NTRK1: variants seen among roughly 807,000 people sequenced by gnomAD.
NTRK1 encodes neurotrophic receptor tyrosine kinase 1.
NTRK1 carries 62 observed loss-of-function variants against 86.8 expected under a neutral mutation model. The observed-to-expected ratio is 0.71, with a 90% CI of 0.58 to 0.88. The LOEUF is 0.88. NTRK1 is among the 40% of genes least tolerant of loss of function. NTRK1 has a pLI of 0.00. For missense variants in NTRK1, 967 were observed against 1,078.4 expected, an observed-to-expected ratio of 0.90 and a Z score of 1.45; for synonymous variants, 469 against 456.6, an observed-to-expected ratio of 1.03 and a Z score of -0.35.
intron 1 of NTRK1, among the ~76,000 whole-genome samples, chr1:156,836,402 C>T (rs1023088200): frequency 1.3e-5 from 2 of 152,210 alleles, no homozygotes; most frequent in African/African-American, 4.8e-5. Context: ...TTCTTTCTCT[C>T]CTCATGACCT....
rs1185123581 is a variant in NTRK1, at chr1:156,879,328, T to C, written c.2012T>C (p.Met671Thr). 1 of 1,610,866 alleles carries C rather than the reference T, an allele frequency of 6.2e-7. No individual in the cohort carries two copies. Among genetic ancestry groups the C allele is most frequent in the Non-Finnish European group, 8.5e-7 (1 of 1,180,016 alleles). ...GTGGTCAAGATTGGTGATTTTGGCA[T>C]GAGCAGGGATATCTACAGCACCGAC... The part of the protein sequence containing the change: ...GLVVKIGDFG[M>T]SRDIYSTDYY... The change falls in exon 15 of 17, where the codon ATG becomes ACG. Residue 671 changes from methionine (M) to threonine (T), a missense_variant. Physicochemically the swap from Met to Thr is moderately conservative, Grantham distance 81 (BLOSUM62 -1). Around this residue, in one of 2 missense-constraint regions of NTRK1, gnomAD observed 637 missense variants for 776.5 expected, o/e 0.82. Coordinates refer to ENST00000524377, the MANE Select transcript of NTRK1 (RefSeq NM_002529.4).
At chr1:156,880,191 C>T in intron 16 of NTRK1, 34 bp downstream of exon 16, 3 of 1,609,726 alleles carry the variant, frequency 1.9e-6, no homozygotes, top group Non-Finnish European at 2.5e-6. Flanking sequence ...CCTTGCTGGC[C>T]TCCCCGTCCC....
intron 1 of NTRK1, chr1:156,816,077 T>C (rs1653895014): frequency 1.2e-6 from 2 of 1,613,654 alleles, no homozygotes; most frequent in African/African-American, 1.3e-5. Flanking sequence ...AAGGTTGGGA[T>C]GGGGGCTTCG....
chr1:156,836,506 G>A (rs1654602892), intron 1 of NTRK1, among the ~76,000 whole-genome samples: 1 of 152,162 alleles, frequency 6.6e-6, no homozygotes, highest in Non-Finnish European at 1.5e-5. Flanking sequence ...GACAGGGTAG[G>A]GAGAGAGGCA....
At chr1:156,840,737 C>T (rs1180395202) in intron 1 of NTRK1, 16 of 697,858 alleles carry the variant, frequency 2.3e-5, no homozygotes, top group East Asian at 1.1e-4. Context: ...GCCTTCCCTG[C>T]TCCTGTTCTC....
At chr1:156,832,891 G>A (rs940262417) in intron 1 of NTRK1, among the ~76,000 whole-genome samples, 2 of 152,252 alleles carry the variant, frequency 1.3e-5, no homozygotes, top group African/African-American at 4.8e-5. Context: ...CAGACAGCAT[G>A]CCCCTCAGGG....
intron 1 of NTRK1, among the ~76,000 whole-genome samples, chr1:156,824,458 T>G (rs1490094885): frequency 6.6e-6 from 1 of 152,212 alleles, no homozygotes; most frequent in Non-Finnish European, 1.5e-5. Flanking sequence ...GGCCACCACC[T>G]GCTCATGCAA....
chr1:156,863,342 C>G (rs1383776283), intron 1 of NTRK1, among the ~76,000 whole-genome samples: 1 of 152,154 alleles, frequency 6.6e-6, no homozygotes, highest in Non-Finnish European at 1.5e-5. Context: ...TTCAGTGTCT[C>G]TGTTTCACTC....
chr1:156,880,274 C>T (rs1261058854), intron 16 of NTRK1, 117 bp downstream of exon 16: 27 of 1,106,194 alleles, frequency 2.4e-5, no homozygotes, highest in Middle Eastern at 2.7e-4. Context: ...GTTGGGGGGC[C>T]CTTTCCAGCG....
chr1:156,879,044 G>C (rs41328748), intron 14 of NTRK1, 78 bp from the exon 15 acceptor site: 2 of 1,557,874 alleles, frequency 1.3e-6, no homozygotes, highest in Non-Finnish European at 1.8e-6. Context: ...ATCACACGCG[G>C]CTGCTGGGGA....
chr1:156,864,641 G>GGGACTGGGAGGCTGGGAT, intron 2 of NTRK1, 87 bp from the exon 3 acceptor site: 1 of 1,439,726 alleles, frequency 6.9e-7, no homozygotes, highest in South Asian at 1.2e-5. Flanking sequence ...TTCAGCACAG[G>GGGACTGGGAGGCTGGGAT]GGACTGGGAG....
At chr1:156,842,916 G>A in intron 2 of NTRK1, 1 of 1,022,198 alleles carries the variant, frequency 9.8e-7, no homozygotes, top group South Asian at 1.5e-5. Context: ...CCTTAATGGT[G>A]CCCTAACCTC....
chr1:156,827,089 C>CTTTTTTTTTTT (rs1558075829), intron 1 of NTRK1, among the ~76,000 whole-genome samples: 4 of 151,812 alleles, frequency 2.6e-5, no homozygotes, highest in African/African-American at 9.7e-5. Context: ...TTCTTTATTT[C>CTTTTTTTTTTT]TTTATTTTTT....
At chr1:156,821,937 G>A (rs554747809) in intron 1 of NTRK1, among the ~76,000 whole-genome samples, 1 of 152,276 alleles carries the variant, frequency 6.6e-6, no homozygotes, top group South Asian at 2.1e-4. Flanking sequence ...CATGTGTGAT[G>A]TTTGATTTTA....
Position 156,861,088 on chromosome 1 carries a change from C to T in NTRK1, c.154C>T (p.Arg52Trp), listed in dbSNP as rs1337184592. 6.3e-7 allele frequency: 1 copy of T among 1,582,932 alleles called. No homozygotes were observed. The highest frequency in any genetic ancestry group is 1.7e-5 in the Admixed American group (1 of 58,000). Reference protein sequence around the residue: ...PHGSSGLRCTRDGALDSLHHL... With the variant: ...PHGSSGLRCTWDGALDSLHHL... ...CGGCTCCTCGGGACTGCGATGCACCCGGGATGGGGCCCTGGATAGCCTCCA... is the reference window on the plus strand; with the variant it reads ...CGGCTCCTCGGGACTGCGATGCACCTGGGATGGGGCCCTGGATAGCCTCCA... The change falls in exon 1 of 17, where the codon CGG (arginine) becomes TGG (tryptophan). Residue 52 changes from arginine to tryptophan, a missense_variant. Coordinates refer to ENST00000524377, the MANE Select transcript of NTRK1 (RefSeq NM_002529.4).
rs1159512278 is a variant in NTRK1 at position 156,876,227 on chromosome 1, G to T, written c.1632+17G>T. 4.3e-6 allele frequency: 7 copies of T among 1,613,676 alleles called. No individual in the cohort carries two copies. The highest frequency in any genetic ancestry group is 5.1e-6 in the Non-Finnish European group (6 of 1,180,006). On this transcript the variant is annotated intron_variant, in intron 13 of 16. Transcript: ENST00000524377. ...GCTGTCAAGGTGAGACCCTGCCCCG[G>T]GGGGTACTGCTGGCCTGGGTCCCAC... is the stretch of plus-strand genomic sequence containing the variant.
chr1:156,851,349 G>A lies in NTRK1; in HGVS notation c.50+9156G>A, dbSNP rs745939967. 21 of 1,614,118 alleles carry A rather than the reference G, an allele frequency of 1.3e-5. No homozygotes were observed. The highest frequency in any genetic ancestry group is 1.5e-5 in the Non-Finnish European group (18 of 1,179,974). On this transcript the variant is annotated intron_variant, in intron 2 of 16. Transcript: ENST00000392302. ...GGTTCTTGAAAAAGCCCAGGGACAC[G>A]AGGGCAAAGGAGTGCTTGATTTTGA...
At chr1:156,846,258 C>T (rs1394159140) in intron 2 of NTRK1, 1 of 962,974 alleles carries the variant, frequency 1.0e-6, no homozygotes, top group African/African-American at 1.6e-5. Context: ...CTTCCTAGAA[C>T]TCAGTGTTTT....
Position 156,879,169 on chromosome 1 carries a change from C to T in NTRK1, c.1853C>T (p.Ala618Val), listed in dbSNP as rs1648098147. ...CTGCTGGCTGGTGGGGAGGATGTGGCTCCAGGCCCCCTGGGTCTGGGGCAG... is the reference window on the plus strand; with the variant it reads ...CTGCTGGCTGGTGGGGAGGATGTGGTTCCAGGCCCCCTGGGTCTGGGGCAG... ...AKLLAGGEDV[A>V]PGPLGLGQLL... The change falls in exon 15 of 17, where the codon GCT becomes GTT. Residue 618 changes from alanine (A) to valine (V), a missense_variant. By Grantham distance (64) the Ala-to-Val change is moderately conservative (BLOSUM62 0). Transcript: ENST00000524377. 6.2e-7 allele frequency: 1 copy of T among 1,613,160 alleles called. No homozygotes were observed. Among genetic ancestry groups the T allele is most frequent in the Non-Finnish European group, 8.5e-7 (1 of 1,179,232 alleles).
Sources: gnomAD v4.1 joint callset for allele counts (sites outside exome capture counted in the v4.1 genomes callset) on GRCh38, gnomAD v4.1.1 for gene constraint, gnomAD v4.1.1 regional missense constraint, MANE v1.5 for transcripts, NCBI Gene and HGNC (gene_info 2026-07-23, HGNC 2026-07-21) for gene names.